DNAH9: variants seen among roughly 807,000 people sequenced by gnomAD.
DNAH9 encodes DNAH9 variant protein.
DNAH9 carries 345 observed loss-of-function variants against 471.6 expected under a neutral mutation model. That is an observed-to-expected ratio of 0.73 (90% CI 0.67 to 0.80). The LOEUF (loss-of-function observed/expected upper bound fraction) is 0.80, where lower values mean the gene tolerates loss of function less well. Ranked by LOEUF, DNAH9 falls within the 30% of genes least tolerant of loss-of-function variation. DNAH9 has a pLI of 0.00. For missense variants in DNAH9, 5,407 were observed against 5,609.2 expected (o/e 0.96, Z 1.15); for synonymous variants, 2,093 against 2,123.6 (o/e 0.99, Z 0.40).
At chr17:11,735,980 T>C (rs1485862152) in intron 28 of DNAH9, among the ~76,000 whole-genome samples, 1 of 152,134 alleles carries the variant, frequency 6.6e-6, no homozygotes. Flanking sequence ...AACTGTGGGG[T>C]TTCAGGCAAG....
chr17:11,968,271 T>G (rs1567588302), intron 68 of DNAH9, among the ~76,000 whole-genome samples: 1 of 152,104 alleles, frequency 6.6e-6, no homozygotes, highest in East Asian at 1.9e-4. Flanking sequence ...GGCAAGGAGG[T>G]CCCCACTGTT....
chr17:11,947,772 ATTTTTT>A (rs71367359), intron 67 of DNAH9, among the ~76,000 whole-genome samples: 6 of 108,338 alleles, frequency 5.5e-5, no homozygotes, highest in African/African-American at 1.9e-4. Flanking sequence ...GCTGGGAACT[ATTTTTT>A]TTTTTTTTTT....
intron 38 of DNAH9, among the ~76,000 whole-genome samples, chr17:11,774,357 A>T (rs535711956): frequency 5.3e-5 from 8 of 152,306 alleles, no homozygotes; most frequent in Non-Finnish European, 8.8e-5. Context: ...TACTTGCATT[A>T]GTCTGTTCTC....
In DNAH9 at chr17:11,962,202, G is replaced by A. The variant is rs377395546; in HGVS notation, c.13179G>A (p.Arg4393=). ...KNREEFRSPP[R]EGAYIHGLFM... is the part of the protein sequence containing the mutation. ...GAGAAGAGTTTAGGAGTCCTCCTCG[G>A]GAAGGGGCCTACATCCATGGCCTCT... Residue 4393 remains arginine (R), a synonymous_variant, in exon 68 of 69, where the codon CGG becomes CGA. Transcript: ENST00000262442. The surrounding 1 kb of genome is among the most constrained non-coding windows in gnomAD (Gnocchi z 4.1). 1.9e-6 allele frequency: 3 copies of A among 1,613,814 alleles called. No homozygotes were observed. Among genetic ancestry groups the A allele is most frequent in the Admixed American group, 1.7e-5 (1 of 59,992 alleles).
intron 67 of DNAH9, among the ~76,000 whole-genome samples, chr17:11,945,052 GC>G (rs1329981594): frequency 6.6e-6 from 1 of 152,188 alleles, no homozygotes; most frequent in Non-Finnish European, 1.5e-5. Context: ...GAGTGGTCTG[GC>G]CTGTGAGTGA....
At chr17:11,722,125 A>G (rs954566987) in intron 27 of DNAH9, among the ~76,000 whole-genome samples, 1 of 152,322 alleles carries the variant, frequency 6.6e-6, no homozygotes, top group South Asian at 2.1e-4. Flanking sequence ...GCTGCTGTGC[A>G]CTTCTCCAGG....
intron 30 of DNAH9, 114 bp downstream of exon 30, chr17:11,742,427 A>G (rs2075446327): frequency 6.5e-6 from 7 of 1,069,060 alleles, no homozygotes; most frequent in African/African-American, 4.7e-5. Flanking sequence ...ATAGAAAGTC[A>G]CTGTACCCAT....
At chr17:11,708,012 C>G (rs62061784) in intron 26 of DNAH9, among the ~76,000 whole-genome samples, 10,840 of 48,002 alleles carry the variant, frequency 0.23, 420 homozygotes, top group East Asian at 0.39. Flanking sequence ...CACACACACA[C>G]ACAGAGAGAG....
rs938037664 is a variant in DNAH9 at position 11,626,332 on chromosome 17, G to A, written c.1351-3085G>A. ...CTTACATTTACATAATTTAAGAATC[G>A]AATTATTTTGATTCTTAAATCAAAG... On this transcript the variant is annotated intron_variant, in intron 6 of 68. Coordinates refer to ENST00000262442, the MANE Select transcript of DNAH9 (RefSeq NM_001372.4). The surrounding 1 kb of genome is among the most constrained non-coding windows in gnomAD (Gnocchi z 4.3). 6.6e-5 allele frequency among the ~76,000 whole-genome samples: 10 copies of A among 152,134 alleles called. No individual in the cohort carries two copies. The highest frequency in any genetic ancestry group is 1.9e-4 in the East Asian group (1 of 5,162).
chr17:11,879,120 A>G (rs960172065), intron 53 of DNAH9, among the ~76,000 whole-genome samples: 1 of 152,004 alleles, frequency 6.6e-6, no homozygotes, highest in African/African-American at 2.4e-5. Flanking sequence ...TTACTTTTAT[A>G]TTTAGTAACA....
chr17:11,954,787 A>AAG (rs746187380), intron 67 of DNAH9, among the ~76,000 whole-genome samples: 27 of 147,206 alleles, frequency 1.8e-4, no homozygotes, highest in African/African-American at 6.3e-4. Context: ...AAAAAAAAAA[A>AAG]AGAGAGAGAA....
intron 12 of DNAH9, 79 bp downstream of exon 12, chr17:11,647,277 C>A: frequency 7.0e-7 from 1 of 1,423,890 alleles, no homozygotes; most frequent in Non-Finnish European, 9.6e-7. Context: ...AGCGTAAAGA[C>A]TTTTATTTTT....
intron 14 of DNAH9, among the ~76,000 whole-genome samples, chr17:11,660,328 T>C (rs1259957648): frequency 8.5e-6 from 1 of 117,976 alleles, no homozygotes; most frequent in Non-Finnish European, 2.0e-5. Flanking sequence ...TCTTTTTTTT[T>C]TTTTTTTTTT....
At chr17:11,600,833 G>A (rs893950553) in intron 1 of DNAH9, among the ~76,000 whole-genome samples, 8 of 152,232 alleles carry the variant, frequency 5.3e-5, no homozygotes, top group African/African-American at 1.2e-4. Flanking sequence ...AACACATGAC[G>A]TAAAATTCAC....
chr17:11,929,247 G>A (rs192180428), intron 62 of DNAH9, among the ~76,000 whole-genome samples: 2,465 of 151,976 alleles, frequency 0.016, 101 homozygotes, highest in Admixed American at 0.093. Context: ...TGTTAGCCAG[G>A]ATGGTCTCGA....
At position 11,875,111 on chromosome 17, in the gene DNAH9, C is replaced by T. The variant is rs1485454693; in HGVS notation, c.10405C>T (p.Gln3469Ter). The part of the protein sequence containing the change: ...CERWPLMVDP[Q>*]LQGIKWIKNK... Reference sequence around the variant, plus strand: ...GCGCTGGCCACTCATGGTTGACCCTCAGCTACAAGGCATCAAATGGATCAA... The same window carrying T: ...GCGCTGGCCACTCATGGTTGACCCTTAGCTACAAGGCATCAAATGGATCAA... Residue 3469 changes from glutamine to a stop codon, truncating the protein, a stop_gained, in exon 53 of 69, where the codon CAG (glutamine) becomes TAG (stop). Coordinates refer to ENST00000262442, the MANE Select transcript of DNAH9 (RefSeq NM_001372.4). LOFTEE classifies it high-confidence loss of function. 2.5e-6 allele frequency: 4 copies of T among 1,614,064 alleles called. No homozygotes were observed. Among genetic ancestry groups the T allele is most frequent in the Non-Finnish European group, 3.4e-6 (4 of 1,180,048 alleles).
Position 11,892,072 on chromosome 17 carries a change from T to C in DNAH9, c.11283+125T>C. On this transcript the variant is annotated intron_variant, in intron 58 of 68. Transcript: ENST00000262442. This position sits in a 1 kb window ranked among gnomAD's most constrained non-coding sequence, Gnocchi z 4.3. The stretch of plus-strand genomic sequence containing the variant: ...CATGTCCAGACTATCTGTCTTTGGA[T>C]AGAGGCATCAGACAAGAAGGTCCAA... 2 of 1,170,188 alleles carry C rather than the reference T, an allele frequency of 1.7e-6. No homozygotes were observed. The highest frequency in any genetic ancestry group is 2.4e-6 in the Non-Finnish European group (2 of 822,524). 72.5% of individuals were successfully genotyped at this position (1,170,188 alleles called of 1,614,324 possible). A position where few individuals can be genotyped will look rare whatever the true frequency, so the allele number is the denominator to read the frequency against.
intron 29 of DNAH9, among the ~76,000 whole-genome samples, chr17:11,741,685 C>T (rs1309117250): frequency 6.6e-6 from 1 of 152,126 alleles, no homozygotes; most frequent in Non-Finnish European, 1.5e-5. Context: ...CAAATAAGTA[C>T]AGGATAAGCC....
intron 38 of DNAH9, among the ~76,000 whole-genome samples, chr17:11,772,865 G>T (rs1968266999): frequency 6.6e-6 from 1 of 152,212 alleles, no homozygotes; most frequent in African/African-American, 2.4e-5. Flanking sequence ...CAACATTCAT[G>T]CAATAAAGCT....
Sources: allele counts gnomAD v4.1 joint callset (sites outside exome capture counted in the v4.1 genomes callset), GRCh38; gene constraint gnomAD v4.1.1; non-coding constraint Gnocchi (gnomAD v3.1); transcripts MANE v1.5; gene names NCBI Gene and HGNC (gene_info 2026-07-23, HGNC 2026-07-21).